The following LRP2 variants were observed in gnomAD, a reference collection of about 807,000 sequenced individuals.
LRP2 encodes low-density lipoprotein receptor-related protein 2.
Under a neutral mutation model 531.0 loss-of-function variants are expected in LRP2, and 172 were observed. The observed-to-expected ratio is 0.32, with a 90% CI of 0.29 to 0.37. The LOEUF is 0.37. Ranked by LOEUF, LRP2 falls within the 10% of genes least tolerant of loss-of-function variation. The pLI is 1.00. For missense variants in LRP2, 5,167 were observed against 5,868.3 expected (o/e 0.88, Z 3.90); for synonymous variants, 1,992 against 2,027.6 (o/e 0.98, Z 0.47).
At chr2:169,146,004 C>T (rs1685892545) in intron 69 of LRP2, 81 bp from the exon 70 acceptor site, 2 of 1,243,178 alleles carry the variant, frequency 1.6e-6, no homozygotes, top group South Asian at 2.5e-5. Context: ...ACTTCTAGAT[C>T]TGATGTCATT....
Position 169,175,237 on chromosome 2 carries a change from T to C in LRP2, c.10724A>G (p.His3575Arg). The C allele has an allele frequency of 6.2e-7, 1 of 1,614,130 alleles. No homozygotes were observed. The highest frequency in any genetic ancestry group is 8.5e-7 in the Non-Finnish European group (1 of 1,180,018). The change falls in exon 55 of 79, where the codon CAC (histidine) becomes CGC (arginine). Residue 3575 changes from histidine (H) to arginine (R), a missense_variant. This residue lies in a region of LRP2 where 311 missense variants were observed against 309.4 expected (regional missense o/e 1.01). Coordinates refer to ENST00000649046, the MANE Select transcript of LRP2 (RefSeq NM_004525.3). Reference protein sequence around the residue: ...CTSPQTLCNAHQNCPDGSDED... With the variant: ...CTSPQTLCNARQNCPDGSDED... ...ATCAGACCCATCAGGGCAATTTTGGTGAGCATTGCATAAAGTCTGCGGGCT... is the reference window on the plus strand; with the variant it reads ...ATCAGACCCATCAGGGCAATTTTGGCGAGCATTGCATAAAGTCTGCGGGCT...
intron 16 of LRP2, among the ~76,000 whole-genome samples, chr2:169,262,923 G>T (rs1395725610): frequency 6.6e-6 from 1 of 152,086 alleles, no homozygotes; most frequent in African/African-American, 2.4e-5. Context: ...ACAGAACAGA[G>T]CCCTCAGAAA....
chr2:169,181,358 C>A, intron 52 of LRP2, 90 bp downstream of exon 52: 1 of 1,316,410 alleles, frequency 7.6e-7, no homozygotes, highest in Non-Finnish European at 1.1e-6. Flanking sequence ...GCCAGTTAGA[C>A]AATAGAGGGG....
Position 169,327,560 on chromosome 2 carries a change from C to T in LRP2, c.80-6676G>A, listed in dbSNP as rs560540225. Among the ~76,000 whole-genome samples the T allele has an allele frequency of 3.2e-4, 40 of 126,924 alleles. 1 individual carries two copies. The East Asian group carries it at 9.8e-3, about 31-fold the overall frequency. 83.3% of individuals were successfully genotyped at this position (126,924 alleles called of 152,430 possible). A position where few individuals can be genotyped will look rare whatever the true frequency, so the allele number is the denominator to read the frequency against. ...GGGGTCAGCCCCCCGCCCGGCCAGC[C>T]GCCCCATCCGGGAGGTGAGGGGCGC... On this transcript the variant is annotated intron_variant, in intron 1 of 78. Transcript: ENST00000649046.
At chr2:169,179,800 T>C (rs571064805) in intron 52 of LRP2, among the ~76,000 whole-genome samples, 3 of 113,752 alleles carry the variant, frequency 2.6e-5, no homozygotes, top group East Asian at 8.0e-4. Context: ...AAGGAATCAA[T>C]TGCATGCTCT....
chr2:169,237,069 G>A (rs764236003), intron 28 of LRP2, 34 bp downstream of exon 28: 5 of 1,563,068 alleles, frequency 3.2e-6, no homozygotes, highest in Middle Eastern at 1.7e-4. Context: ...TCATAACCAT[G>A]TCAAGGCAAC....
chr2:169,299,538 TAAA>T (rs34543659), intron 4 of LRP2, among the ~76,000 whole-genome samples: 1 of 138,628 alleles, frequency 7.2e-6, no homozygotes. Flanking sequence ...CTAAATTCCT[TAAA>T]AAAAAAAAAA....
chr2:169,320,027 T>C (rs1684868170), intron 2 of LRP2, among the ~76,000 whole-genome samples: 1 of 152,192 alleles, frequency 6.6e-6, no homozygotes, highest in African/African-American at 2.4e-5. Context: ...CCTGCTGGGA[T>C]GAAGGAAATT....
chr2:169,180,590 G>A (rs1285936248), intron 52 of LRP2, among the ~76,000 whole-genome samples: 1 of 152,180 alleles, frequency 6.6e-6, no homozygotes, highest in Non-Finnish European at 1.5e-5. Context: ...TGTCCCCAGG[G>A]AGCATGGTGT....
At chr2:169,215,085 C>T (rs1253940948) in intron 35 of LRP2, among the ~76,000 whole-genome samples, 3 of 152,282 alleles carry the variant, frequency 2.0e-5, no homozygotes, top group Non-Finnish European at 4.4e-5. Context: ...AGAGCTTCCT[C>T]GTCATTGCAC....
intron 16 of LRP2, among the ~76,000 whole-genome samples, chr2:169,265,925 A>C (rs1273182987): frequency 6.6e-6 from 1 of 152,018 alleles, no homozygotes; most frequent in Non-Finnish European, 1.5e-5. Context: ...AAAGAAAAAA[A>C]AAATTATAGA....
At position 169,162,589 on chromosome 2, in the gene LRP2, T is replaced by A. The variant is rs1284399089; in HGVS notation, c.11770A>T (p.Thr3924Ser). 6.2e-7 allele frequency: 1 copy of A among 1,614,178 alleles called. No individual in the cohort carries two copies. Among genetic ancestry groups the A allele is most frequent in the Non-Finnish European group, 8.5e-7 (1 of 1,180,002 alleles). The change falls in exon 63 of 79, where the codon ACC (threonine) becomes TCC (serine). Residue 3924 changes from threonine to serine, a missense_variant. By Grantham distance (58) the Thr-to-Ser change is moderately conservative. Around this residue, in one of 6 missense-constraint regions of LRP2, gnomAD observed 564 missense variants for 747.7 expected, o/e 0.75. Transcript: ENST00000649046. Reference sequence around the variant, plus strand: ...TCATATTCTGTACAAGGTTTAGGGGTCGGTTTTCTACCTGCAATGTAAAAA... The same window carrying A: ...TCATATTCTGTACAAGGTTTAGGGGACGGTTTTCTACCTGCAATGTAAAAA... ...DETEEHCRKP[T>S]PKPCTEYEYK... is the part of the protein sequence containing the mutation.
At chr2:169,276,797 T>C (rs542315778) in intron 13 of LRP2, among the ~76,000 whole-genome samples, 1 of 152,140 alleles carries the variant, frequency 6.6e-6, no homozygotes, top group Non-Finnish European at 1.5e-5. Context: ...TTGAAGAACA[T>C]GTTTTACCCA....
At chr2:169,235,108 T>C (rs1372699910) in intron 29 of LRP2, among the ~76,000 whole-genome samples, 1 of 151,900 alleles carries the variant, frequency 6.6e-6, no homozygotes, top group African/African-American at 2.4e-5. Context: ...AATGGGGTTT[T>C]GCCATGTTAC....
intron 1 of LRP2, among the ~76,000 whole-genome samples, chr2:169,328,441 TAAAAAAAA>T (rs537210492): frequency 2.0e-5 from 1 of 49,144 alleles, no homozygotes; most frequent in African/African-American, 7.4e-5. Context: ...CGGGCCGGGA[TAAAAAAAA>T]AAAAAAAAAA....
At position 169,235,953 on chromosome 2, in the gene LRP2, A is replaced by G. The variant is rs757058790; in HGVS notation, c.4807T>C (p.Leu1603=). Reference sequence around the variant, plus strand: ...AGTCTGTTGGGGTAGTCAATAGTTAAGCCGCAGGGCCAGAAGATCTTGTCC... The same window carrying G: ...AGTCTGTTGGGGTAGTCAATAGTTAGGCCGCAGGGCCAGAAGATCTTGTCC... ...VQDKIFWPCG[L]TIDYPNRLLY... is the part of the protein sequence containing the mutation. The change falls in exon 29 of 79, where the codon TTA becomes CTA. Residue 1603 remains leucine (L), a synonymous_variant. Coordinates refer to ENST00000649046, the MANE Select transcript of LRP2 (RefSeq NM_004525.3). 5 of 1,614,098 alleles carry G rather than the reference A, an allele frequency of 3.1e-6. No individual in the cohort carries two copies. In the South Asian group the frequency reaches 4.4e-5, roughly 14 times the overall value.
At chr2:169,257,895 G>A (rs1466578873) in intron 17 of LRP2, among the ~76,000 whole-genome samples, 1 of 150,462 alleles carries the variant, frequency 6.6e-6, no homozygotes, top group African/African-American at 2.4e-5. Context: ...GGGATCCAGA[G>A]GAATCAAAAT....
At chr2:169,194,189 C>A (rs879658030) in intron 46 of LRP2, among the ~76,000 whole-genome samples, 2 of 152,120 alleles carry the variant, frequency 1.3e-5, no homozygotes, top group Non-Finnish European at 2.9e-5. Flanking sequence ...ATATGAATTA[C>A]CTACTATTTC....
intron 47 of LRP2, among the ~76,000 whole-genome samples, chr2:169,192,315 G>T (rs573631589): frequency 6.6e-6 from 1 of 151,942 alleles, no homozygotes; most frequent in Non-Finnish European, 1.5e-5. Context: ...TTTTCCCTTA[G>T]GGCTTCAGAA....
Sources: gnomAD v4.1 joint callset for allele counts (sites outside exome capture counted in the v4.1 genomes callset) on GRCh38, gnomAD v4.1.1 for gene constraint, gnomAD v4.1.1 regional missense constraint, MANE v1.5 for transcripts, NCBI Gene and HGNC (gene_info 2026-07-23, HGNC 2026-07-21) for gene names.